Variants in MAST1 observed in about 807,000 individuals in gnomAD.
The protein encoded by MAST1 is microtubule-associated serine/threonine-protein kinase 1.
Under a neutral mutation model 124.6 loss-of-function variants are expected in MAST1, and 40 were observed. That is an observed-to-expected ratio of 0.32 (90% CI 0.25 to 0.42). MAST1 has a LOEUF of 0.42. Among genes scored for constraint, MAST1 ranks in the 10% least tolerant of loss-of-function variants. MAST1 has a pLI of 1.00. For synonymous variants in MAST1, 938 were observed against 939.4 expected, an observed-to-expected ratio of 1.00 and a Z score of 0.03; for missense variants, 1,558 against 2,181.9, an observed-to-expected ratio of 0.71 and a Z score of 5.70.
chr19:12,866,110 G>A lies in MAST1; in HGVS notation c.2029+8G>A. 6.2e-7 allele frequency: 1 copy of A among 1,613,788 alleles called. No homozygotes were observed. The highest frequency in any genetic ancestry group is 1.1e-5 in the South Asian group (1 of 91,074). ...ACACTAGCTACTTTGACAGTGAGCTGGGACACCAGGCACGACCTGGGTCGA... is the reference window on the plus strand; with the variant it reads ...ACACTAGCTACTTTGACAGTGAGCTAGGACACCAGGCACGACCTGGGTCGA... On this transcript the variant is annotated splice_region_variant and intron_variant, in intron 17 of 25. Transcript: ENST00000251472. The surrounding 1 kb of genome is among the most constrained non-coding windows in gnomAD (Gnocchi z 5.2).
rs146244031 is a variant in MAST1, at chr19:12,864,927, C to T, written c.1485C>T (p.His495=). 184 of 1,614,172 alleles carry T rather than the reference C, an allele frequency of 1.1e-4. No individual in the cohort carries two copies. Among genetic ancestry groups the T allele is most frequent in the East Asian group, 1.1e-3 (48 of 44,890 alleles). ...ATTTGCACAACTATGGCATCGTGCACCGCGACCTCAAGCCTGACAAGTGAG... is the reference window on the plus strand; with the variant it reads ...ATTTGCACAACTATGGCATCGTGCATCGCGACCTCAAGCCTGACAAGTGAG... The part of the protein sequence containing the change: ...LEYLHNYGIV[H]RDLKPDNLLI... Residue 495 remains histidine, a synonymous_variant, in exon 13 of 26, where the codon CAC becomes CAT. Transcript: ENST00000251472.
At chr19:12,857,973 C>T (rs1025879207) in intron 10 of MAST1, among the ~76,000 whole-genome samples, 3 of 136,252 alleles carry the variant, frequency 2.2e-5, no homozygotes, top group African/African-American at 8.2e-5. Context: ...CACCACTACA[C>T]TCCAGTCTGA....
chr19:12,871,239 T>G, intron 24 of MAST1, 67 bp downstream of exon 24: 2 of 1,600,266 alleles, frequency 1.2e-6, no homozygotes, highest in Non-Finnish European at 1.7e-6. Context: ...GGGGCACAGA[T>G]GAGGATGGAG....
chr19:12,873,627 G>T lies in MAST1; in HGVS notation c.3470G>T (p.Ser1157Ile). ...CCCGCAGGCGCCTCATCCCAGAGCAGCTCCCCAGCCTCGAGCACGCCCAAC... is the reference window on the plus strand; with the variant it reads ...CCCGCAGGCGCCTCATCCCAGAGCATCTCCCCAGCCTCGAGCACGCCCAAC... Reference protein sequence around the residue: ...SAYLGASSQSSSPASSTPNSP... With the variant: ...SAYLGASSQSISPASSTPNSP... The change falls in exon 26 of 26, where the codon AGC becomes ATC. Residue 1157 changes from serine to isoleucine, a missense_variant. This residue lies in a region of MAST1 where 291 missense variants were observed against 475.8 expected (regional missense o/e 0.61). Transcript: ENST00000251472. The T allele has an allele frequency of 6.3e-7, 1 of 1,589,014 alleles. No individual in the cohort carries two copies.
Position 12,858,661 on chromosome 19 carries a change from G to A in MAST1, c.1288G>A (p.Glu430Lys). 3 of 1,614,240 alleles carry A rather than the reference G, an allele frequency of 1.9e-6. No individual in the cohort carries two copies. The highest frequency in any genetic ancestry group is 2.7e-5 in the African/African-American group (2 of 75,064). The change falls in exon 12 of 26, where the codon GAG (glutamate) becomes AAG (lysine). Residue 430 changes from glutamate to lysine, a missense_variant. Glu to Lys is a moderately conservative substitution (Grantham distance 56). This residue lies in a region of MAST1 where 145 missense variants were observed against 350.0 expected (regional missense o/e 0.41). Transcript: ENST00000251472. ...GGAGCGCGATATCCTCACCTTCGCC[G>A]AGAACCCGTTTGTGGTCGGCATGTT... ...FVERDILTFA[E>K]NPFVVGMFCS...
In MAST1 at chr19:12,840,426, CT is replaced by C. The variant is rs748604277; in HGVS notation, c.84-19del. 1.3e-5 allele frequency: 21 copies of C among 1,583,812 alleles called. No homozygotes were observed. The highest frequency in any genetic ancestry group is 2.7e-5 in the African/African-American group (2 of 74,326). ...TGGGCTGCGGCCCGGCCCGGCCCCC[CT>C]GCCTTACCTTCCCCGCAGCTGCCGC... On this transcript the variant is annotated intron_variant, in intron 1 of 25. Transcript: ENST00000251472.
At position 12,874,136 on chromosome 19, in the gene MAST1, G is replaced by A. The variant is rs747569086; in HGVS notation, c.3979G>A (p.Ala1327Thr). 6.5e-7 allele frequency: 1 copy of A among 1,540,826 alleles called. No homozygotes were observed. The highest frequency in any genetic ancestry group is 2.4e-5 in the East Asian group (1 of 41,042). The change falls in exon 26 of 26, where the codon GCC (alanine) becomes ACC (threonine). Residue 1327 changes from alanine to threonine, a missense_variant. Ala to Thr is a moderately conservative substitution (Grantham distance 58). Coordinates refer to ENST00000251472, the MANE Select transcript of MAST1 (RefSeq NM_014975.3). This position sits in a 1 kb window ranked among gnomAD's most constrained non-coding sequence, Gnocchi z 6.6. ...GGGCCTTGGCGCGCCCCGGCAGGTC[G>A]CCGTCCGCCGCCTGGGCCGACAGGA... is the stretch of plus-strand genomic sequence containing the variant. ...VEGLGAPRQVAVRRLGRQESP... is the reference protein window; with the variant it reads ...VEGLGAPRQVTVRRLGRQESP...
In MAST1 at chr19:12,868,694, C is replaced by A; in HGVS notation, c.2618C>A (p.Ala873Glu). Reference protein sequence around the residue: ...DLCPPSKDGDASGPRATNDLV... With the variant: ...DLCPPSKDGDESGPRATNDLV... Reference sequence around the variant, plus strand: ...TGCCCACCCTCGAAGGATGGGGATGCATCAGGCCCAAGGGCTACCAATGAC... The same window carrying A: ...TGCCCACCCTCGAAGGATGGGGATGAATCAGGCCCAAGGGCTACCAATGAC... The change falls in exon 21 of 26, where the codon GCA becomes GAA. Residue 873 changes from alanine to glutamate, a missense_variant. Around this residue, in one of 10 missense-constraint regions of MAST1, gnomAD observed 287 missense variants for 308.0 expected, o/e 0.93. Coordinates refer to ENST00000251472, the MANE Select transcript of MAST1 (RefSeq NM_014975.3). 6.2e-7 allele frequency: 1 copy of A among 1,612,304 alleles called. No homozygotes were observed. The highest frequency in any genetic ancestry group is 1.1e-5 in the South Asian group (1 of 90,878).
Position 12,867,914 on chromosome 19 carries a change from G to T in MAST1, c.2503G>T (p.Ala835Ser). 2 of 1,600,496 alleles carry T rather than the reference G, an allele frequency of 1.2e-6. No homozygotes were observed. Among genetic ancestry groups the T allele is most frequent in the Non-Finnish European group, 8.5e-7 (1 of 1,174,902 alleles). The change falls in exon 20 of 26, where the codon GCA becomes TCA. Residue 835 changes from alanine to serine, a missense_variant. By Grantham distance (99) the Ala-to-Ser change is moderately conservative (BLOSUM62 1). This residue lies in a region of MAST1 where 287 missense variants were observed against 308.0 expected (regional missense o/e 0.93). Coordinates refer to ENST00000251472, the MANE Select transcript of MAST1 (RefSeq NM_014975.3). ...PSSDPAGSLD[A>S]RAPKEETQGE... ...CTCCGACCCCGCGGGATCCCTGGAT[G>T]CACGGGCCCCCAAAGAGGAGACTCA... is the stretch of plus-strand genomic sequence containing the variant.
Position 12,866,711 on chromosome 19 carries a change from G to A in MAST1, c.2088G>A (p.Glu696=). Residue 696 remains glutamate, a synonymous_variant, in exon 18 of 26, where the codon GAG becomes GAA. Transcript: ENST00000251472. The surrounding 1 kb of genome is among the most constrained non-coding windows in gnomAD (Gnocchi z 5.2). ...NSYDEDDTTE[E]EPVEIRQFSS... Reference sequence around the variant, plus strand: ...ATGACGAGGATGACACGACGGAGGAGGAGCCCGTGGAAATCCGCCAGTTCT... The same window carrying A: ...ATGACGAGGATGACACGACGGAGGAAGAGCCCGTGGAAATCCGCCAGTTCT... 1 of 1,613,950 alleles carries A rather than the reference G, an allele frequency of 6.2e-7. No individual in the cohort carries two copies. The highest frequency in any genetic ancestry group is 1.7e-4 in the Middle Eastern group (1 of 6,060).
At position 12,847,141 on chromosome 19, in the gene MAST1, G is replaced by A; in HGVS notation, c.328-149G>A. The A allele has an allele frequency of 1.6e-6, 1 of 624,744 alleles. No individual in the cohort carries two copies. Among genetic ancestry groups the A allele is most frequent in the Non-Finnish European group, 2.8e-6 (1 of 351,878 alleles). 38.7% of individuals were successfully genotyped at this position (624,744 alleles called of 1,614,324 possible). The stretch of plus-strand genomic sequence containing the variant: ...CACCTGTCTGTGGCCAAGAGTCCCA[G>A]CCAAGATCCTAGGATCCAAGGATCG... On this transcript the variant is annotated intron_variant, in intron 4 of 25. Transcript: ENST00000251472. The surrounding 1 kb of genome is among the most constrained non-coding windows in gnomAD (Gnocchi z 5.5).
Position 12,865,121 on chromosome 19 carries a change from C to T in MAST1, c.1581C>T (p.Thr527=), listed in dbSNP as rs373700987. 8 of 1,614,120 alleles carry T rather than the reference C, an allele frequency of 5.0e-6. No individual in the cohort carries two copies. Among genetic ancestry groups the T allele is most frequent in the African/African-American group, 1.3e-5 (1 of 75,022 alleles). The change falls in exon 14 of 26, where the codon ACC becomes ACT. Residue 527 remains threonine, a synonymous_variant. Transcript: ENST00000251472. The surrounding 1 kb of genome is among the most constrained non-coding windows in gnomAD (Gnocchi z 7.1). ...GLSKMGLMSL[T]TNLYEGHIEK... ...CCAAGATGGGGCTCATGAGCCTCAC[C>T]ACCAACTTATATGAAGGCCACATCG...
intron 4 of MAST1, among the ~76,000 whole-genome samples, chr19:12,845,895 T>C (rs1443263132): frequency 6.6e-6 from 1 of 151,386 alleles, no homozygotes; most frequent in Admixed American, 6.6e-5. Flanking sequence ...CTGACCTCAG[T>C]TTTTCTGCCC....
intron 12 of MAST1, among the ~76,000 whole-genome samples, chr19:12,860,119 TC>T (rs1970061950): frequency 6.6e-6 from 1 of 152,098 alleles, no homozygotes; most frequent in African/African-American, 2.4e-5. Flanking sequence ...CACCTATTTT[TC>T]TTTTTTTTGG....
intron 7 of MAST1, 179 bp downstream of exon 7, chr19:12,848,236 G>A (rs980865238): frequency 3.1e-5 from 19 of 605,398 alleles, no homozygotes; most frequent in Non-Finnish European, 4.1e-5. Flanking sequence ...CGACTGAAGA[G>A]GCAGGAATTT....
chr19:12,863,526 C>T (rs895464815), intron 12 of MAST1, among the ~76,000 whole-genome samples: 1 of 152,206 alleles, frequency 6.6e-6, no homozygotes, highest in African/African-American at 2.4e-5. Flanking sequence ...ACCATTCCAT[C>T]AGGAAACTCT....
chr19:12,873,435 G>T lies in MAST1; in HGVS notation c.3375G>T (p.Pro1125=). The T allele has an allele frequency of 1.9e-6, 3 of 1,612,904 alleles. No homozygotes were observed. Among genetic ancestry groups the T allele is most frequent in the Non-Finnish European group, 2.5e-6 (3 of 1,179,952 alleles). ...NRSLSSSDSL[P]GSPTHGLPAR... ...CGCTGTCATCCAGCGATAGTCTCCCGGGCTCGCCTACGCACGGGCTGCCGG... is the reference window on the plus strand; with the variant it reads ...CGCTGTCATCCAGCGATAGTCTCCCTGGCTCGCCTACGCACGGGCTGCCGG... Residue 1125 remains proline (P), a synonymous_variant, in exon 25 of 26, where the codon CCG becomes CCT. Coordinates refer to ENST00000251472, the MANE Select transcript of MAST1 (RefSeq NM_014975.3).
At position 12,874,873 on chromosome 19, in the gene MAST1, A is replaced by T; in HGVS notation, c.*3A>T. 1 of 1,595,824 alleles carries T rather than the reference A, an allele frequency of 6.3e-7. No individual in the cohort carries two copies. Among genetic ancestry groups the T allele is most frequent in the Non-Finnish European group, 8.5e-7 (1 of 1,173,536 alleles). On this transcript the variant is annotated 3_prime_UTR_variant, in exon 26 of 26. Transcript: ENST00000251472. This position sits in a 1 kb window ranked among gnomAD's most constrained non-coding sequence, Gnocchi z 6.6. Reference sequence around the variant, plus strand: ...GTCCCGCACCCCCGGGACCATAGCCAAGGGGGTCATCGGCCCCGCGCTGTA... The same window carrying T: ...GTCCCGCACCCCCGGGACCATAGCCTAGGGGGTCATCGGCCCCGCGCTGTA...
chr19:12,874,644 C>A lies in MAST1; in HGVS notation c.4487C>A (p.Ser1496Tyr). 6.5e-7 allele frequency: 1 copy of A among 1,527,140 alleles called. No individual in the cohort carries two copies. The highest frequency in any genetic ancestry group is 8.8e-7 in the Non-Finnish European group (1 of 1,135,042). 94.6% of individuals were successfully genotyped at this position (1,527,140 alleles called of 1,614,324 possible). Residue 1496 changes from serine to tyrosine, a missense_variant, in exon 26 of 26, where the codon TCC (serine) becomes TAC (tyrosine). By Grantham distance (144) the Ser-to-Tyr change is moderately radical. This residue lies in a region of MAST1 where 168 missense variants were observed against 154.3 expected (regional missense o/e 1.09). Coordinates refer to ENST00000251472, the MANE Select transcript of MAST1 (RefSeq NM_014975.3). The surrounding 1 kb of genome is among the most constrained non-coding windows in gnomAD (Gnocchi z 6.6). Reference sequence around the variant, plus strand: ...CGCACCACGCTGAGCGGTCCTCGCTCCAAGCCCGCCTCCCCAAAGCTCTCC... The same window carrying A: ...CGCACCACGCTGAGCGGTCCTCGCTACAAGCCCGCCTCCCCAAAGCTCTCC... Reference protein sequence around the residue: ...EERTTLSGPRSKPASPKLSPE... With the variant: ...EERTTLSGPRYKPASPKLSPE...
Sources: allele counts gnomAD v4.1 joint callset (sites outside exome capture counted in the v4.1 genomes callset), GRCh38; gene constraint gnomAD v4.1.1; regional missense constraint gnomAD v4.1.1; non-coding constraint Gnocchi (gnomAD v3.1); transcripts MANE v1.5; gene names NCBI Gene and HGNC (gene_info 2026-07-23, HGNC 2026-07-21).